Variants in CALCRL observed in about 807,000 individuals in gnomAD.
CALCRL encodes calcitonin receptor like receptor.
A neutral mutation model predicts 60.4 loss-of-function variants in CALCRL; 27 were observed. The ratio of observed to expected loss-of-function variants is 0.45; its 90% CI spans 0.33 to 0.62. The LOEUF (loss-of-function observed/expected upper bound fraction) is 0.62. Ranked by LOEUF, CALCRL falls within the 20% of genes least tolerant of loss-of-function variation. The probability of loss-of-function intolerance (pLI) is 0.03; values close to 1 mark genes in which losing one functional copy is unlikely to be tolerated. For synonymous variants in CALCRL, 190 were observed against 182.6 expected, an observed-to-expected ratio of 1.04 and a Z score of -0.33; for missense variants, 424 against 540.7, an observed-to-expected ratio of 0.78 and a Z score of 2.14.
At chr2:187,351,832 A>T (rs778271888) in intron 14 of CALCRL, 88 bp downstream of exon 14, 9 of 812,978 alleles carry the variant, frequency 1.1e-5, no homozygotes, top group Non-Finnish European at 1.8e-5. Context: ...TTCCTGGGGA[A>T]TTTATAATTT....
intron 10 of CALCRL, 113 bp from the exon 11 acceptor site, chr2:187,359,385 G>A: frequency 3.0e-6 from 2 of 668,738 alleles, no homozygotes; most frequent in South Asian, 4.2e-5. Flanking sequence ...AAAAAAACTA[G>A]CCACTATATA....
intron 1 of CALCRL, among the ~76,000 whole-genome samples, chr2:187,396,140 C>T (rs184942429): frequency 6.6e-6 from 1 of 150,396 alleles, no homozygotes; most frequent in African/African-American, 2.4e-5. Flanking sequence ...TAATTTTTCT[C>T]TCATTACATG....
intron 14 of CALCRL, 32 bp from the exon 15 acceptor site, chr2:187,346,431 G>A (rs184264594): frequency 6.8e-7 from 1 of 1,477,766 alleles, no homozygotes; most frequent in East Asian, 2.3e-5. Flanking sequence ...GAAAGAACAA[G>A]AACAACCCAT....
intron 1 of CALCRL, among the ~76,000 whole-genome samples, chr2:187,447,472 C>T (rs1241443023): frequency 6.6e-6 from 1 of 150,406 alleles, no homozygotes; most frequent in Non-Finnish European, 1.5e-5. Flanking sequence ...ACAATGAACA[C>T]AAAAATTAGT....
chr2:187,357,306 A>T (rs1321980813), intron 12 of CALCRL, among the ~76,000 whole-genome samples: 3 of 152,058 alleles, frequency 2.0e-5, no homozygotes, highest in Non-Finnish European at 2.9e-5. Flanking sequence ...TATATACACC[A>T]TGGAATACTA....
chr2:187,412,506 G>T (rs1346719126), intron 1 of CALCRL, among the ~76,000 whole-genome samples: 1 of 152,076 alleles, frequency 6.6e-6, no homozygotes, highest in Non-Finnish European at 1.5e-5. Flanking sequence ...AATGATTTCT[G>T]TCTCCCTCTA....
At chr2:187,361,651 A>T (rs1687059766) in intron 9 of CALCRL, among the ~76,000 whole-genome samples, 1 of 151,972 alleles carries the variant, frequency 6.6e-6, no homozygotes, top group African/African-American at 2.4e-5. Context: ...CAGCCTAAAA[A>T]TACTTTTACA....
intron 1 of CALCRL, among the ~76,000 whole-genome samples, chr2:187,427,798 A>C (rs979404200): frequency 6.6e-6 from 1 of 152,202 alleles, no homozygotes; most frequent in Non-Finnish European, 1.5e-5. Flanking sequence ...AGTGACAAAA[A>C]GAAAGAATGG....
At chr2:187,430,934 T>C (rs965539481) in intron 1 of CALCRL, among the ~76,000 whole-genome samples, 4 of 152,012 alleles carry the variant, frequency 2.6e-5, no homozygotes, top group African/African-American at 9.7e-5. Flanking sequence ...TATATACATA[T>C]AATATATGAT....
intron 1 of CALCRL, among the ~76,000 whole-genome samples, chr2:187,439,328 C>T (rs1317308882): frequency 6.6e-6 from 1 of 151,996 alleles, no homozygotes; most frequent in African/African-American, 2.4e-5. Context: ...ACTAAAAATA[C>T]AAAAATTAGC....
chr2:187,416,006 G>A (rs1689587693), intron 1 of CALCRL, among the ~76,000 whole-genome samples: 2 of 152,062 alleles, frequency 1.3e-5, no homozygotes, highest in African/African-American at 4.8e-5. Flanking sequence ...TAGGGAGCCT[G>A]ACCTCGTCAT....
chr2:187,414,180 T>A (rs910061979), intron 1 of CALCRL, among the ~76,000 whole-genome samples: 3 of 152,078 alleles, frequency 2.0e-5, no homozygotes, highest in African/African-American at 7.2e-5. Flanking sequence ...GACAGCAACA[T>A]AATAAATATT....
chr2:187,370,840 T>A (rs545894646), intron 8 of CALCRL, among the ~76,000 whole-genome samples: 2 of 152,318 alleles, frequency 1.3e-5, no homozygotes, highest in East Asian at 3.9e-4. Context: ...TGGCACCATC[T>A]CACTTTATGG....
intron 8 of CALCRL, among the ~76,000 whole-genome samples, chr2:187,368,133 C>T (rs1006244929): frequency 6.6e-6 from 1 of 151,972 alleles, no homozygotes; most frequent in Non-Finnish European, 1.5e-5. Context: ...TTAGGGCTAA[C>T]AATTGTACTT....
At chr2:187,368,231 T>C (rs955677953) in intron 8 of CALCRL, among the ~76,000 whole-genome samples, 3 of 152,054 alleles carry the variant, frequency 2.0e-5, no homozygotes, top group Admixed American at 6.6e-5. Context: ...CATGTTAAGT[T>C]AGCTGTTGTT....
At chr2:187,366,014 C>T (rs1213480046) in intron 8 of CALCRL, among the ~76,000 whole-genome samples, 1 of 151,552 alleles carries the variant, frequency 6.6e-6, no homozygotes, top group South Asian at 2.1e-4. Context: ...GAGGCCGAGG[C>T]GGGTGGATCA....
intron 1 of CALCRL, among the ~76,000 whole-genome samples, chr2:187,421,037 T>C (rs1226403708): frequency 6.6e-6 from 1 of 152,204 alleles, no homozygotes; most frequent in Non-Finnish European, 1.5e-5. Flanking sequence ...GATTAATCCT[T>C]ATGGTTACAT....
chr2:187,393,330 A>G (rs1688526443), intron 1 of CALCRL, among the ~76,000 whole-genome samples: 2 of 152,108 alleles, frequency 1.3e-5, no homozygotes, highest in African/African-American at 4.8e-5. Context: ...TAAATACTTC[A>G]TCCTCACTGG....
At chr2:187,440,695 A>G (rs539304855) in intron 1 of CALCRL, among the ~76,000 whole-genome samples, 1 of 152,232 alleles carries the variant, frequency 6.6e-6, no homozygotes, top group South Asian at 2.1e-4. Flanking sequence ...CTAAACTCAA[A>G]TATAAAGTCT....
Sources: gnomAD v4.1 joint callset for allele counts (sites outside exome capture counted in the v4.1 genomes callset) on GRCh38, gnomAD v4.1.1 for gene constraint, MANE v1.5 for transcripts, NCBI Gene and HGNC (gene_info 2026-07-23, HGNC 2026-07-21) for gene names.